PARVB: variants seen among roughly 807,000 people sequenced by gnomAD.
The protein encoded by PARVB is parvin beta.
A neutral mutation model predicts 47.0 loss-of-function variants in PARVB; 46 were observed. That is an observed-to-expected ratio of 0.98 (90% CI 0.77 to 1.25). The LOEUF (loss-of-function observed/expected upper bound fraction) is 1.25, where lower values mean the gene tolerates loss of function less well. Ranked by LOEUF, PARVB falls within the 50% of genes most tolerant of loss-of-function variation. PARVB has a pLI of 0.00. For missense variants in PARVB, 473 were observed against 471.6 expected (o/e 1.00, Z -0.03); for synonymous variants, 196 against 196.3 (o/e 1.00, Z 0.01).
At position 44,171,715 on chromosome 22, in the gene PARVB, C is replaced by T. The variant is rs1369119946; in HGVS notation, c.*3037C>T. 2.0e-5 allele frequency: 3 copies of T among 151,282 alleles called. No individual in the cohort carries two copies. Among genetic ancestry groups the T allele is most frequent in the South Asian group, 2.1e-4 (1 of 4,796 alleles). The allele number at this position is 151,282 out of a possible 1,614,324, so 9.4% of individuals were successfully genotyped here. A position where few individuals can be genotyped will look rare whatever the true frequency, so the allele number is the denominator to read the frequency against. On this transcript the variant is annotated 3_prime_UTR_variant, in exon 13 of 13. Coordinates refer to ENST00000338758, the MANE Select transcript of PARVB (RefSeq NM_013327.5). ...CGTCACACTCTTGTGGGTTTCAAGT[C>T]GAACAGTAAAAGGAATCATAAGATC...
intron 1 of PARVB, among the ~76,000 whole-genome samples, chr22:44,082,284 C>T (rs1018136611): frequency 2.0e-5 from 3 of 152,038 alleles, no homozygotes; most frequent in Non-Finnish European, 4.4e-5. Flanking sequence ...TTTGGGAGGC[C>T]GAGGCAGGTG....
chr22:44,060,604 T>G (rs1012978926), intron 1 of PARVB, among the ~76,000 whole-genome samples: 39 of 151,908 alleles, frequency 2.6e-4, no homozygotes, highest in African/African-American at 7.7e-4. Flanking sequence ...CCAACTACAT[T>G]CGGCATTAAT....
intron 3 of PARVB, chr22:44,108,638 C>A: frequency 6.6e-6 from 1 of 151,840 alleles, no homozygotes; most frequent in East Asian, 1.9e-4. Context: ...AAATTACAGT[C>A]AAAGGGGGTT....
intron 1 of PARVB, 46 bp downstream of exon 1, chr22:44,024,497 G>A: frequency 1.9e-6 from 2 of 1,039,614 alleles, no homozygotes; most frequent in Non-Finnish European, 2.4e-6. Flanking sequence ...CCTGCCCGGC[G>A]GTGCCCGCCC....
At chr22:44,066,885 T>G (rs539074283) in intron 1 of PARVB, among the ~76,000 whole-genome samples, 1 of 150,984 alleles carries the variant, frequency 6.6e-6, no homozygotes, top group Non-Finnish European at 1.5e-5. Flanking sequence ...TTTCTTTTTC[T>G]TCTTCTTAGG....
intron 1 of PARVB, among the ~76,000 whole-genome samples, chr22:44,072,337 T>A (rs130315): frequency 6.6e-6 from 1 of 151,990 alleles, no homozygotes; most frequent in Non-Finnish European, 1.5e-5. Context: ...TCACCACCCT[T>A]TTGGGTTGGT....
intron 4 of PARVB, 78 bp from the exon 5 acceptor site, chr22:44,131,409 T>A (rs1252634357): frequency 1.3e-6 from 2 of 1,519,138 alleles, no homozygotes; most frequent in East Asian, 4.5e-5. Context: ...CTCAAACTGC[T>A]GGGATTACAG....
chr22:44,063,953 G>C (rs1038302287), intron 1 of PARVB, among the ~76,000 whole-genome samples: 1 of 152,220 alleles, frequency 6.6e-6, no homozygotes, highest in African/African-American at 2.4e-5. Context: ...GGTGTTCCGT[G>C]GATGGGGTGC....
intron 1 of PARVB, among the ~76,000 whole-genome samples, chr22:44,059,086 C>T (rs1008063311): frequency 1.0e-4 from 15 of 144,882 alleles, no homozygotes; most frequent in African/African-American, 3.8e-4. Context: ...TGCTGTGTTG[C>T]CCAGGCTGGA....
intron 2 of PARVB, among the ~76,000 whole-genome samples, chr22:44,095,835 T>C (rs936398958): frequency 6.6e-6 from 1 of 152,198 alleles, no homozygotes; most frequent in Non-Finnish European, 1.5e-5. Flanking sequence ...GAAACGCCGA[T>C]GCAAGTTCAG....
At chr22:44,053,204 C>T (rs937756066) in intron 1 of PARVB, among the ~76,000 whole-genome samples, 3 of 151,778 alleles carry the variant, frequency 2.0e-5, no homozygotes, top group African/African-American at 7.3e-5. Context: ...CTTCCTCAGC[C>T]TCCCGAGTAG....
At position 44,018,403 on chromosome 22, in the gene PARVB, A is replaced by C. The variant is rs1418403798; in HGVS notation, c.211+18730A>C. Among the ~76,000 whole-genome samples the C allele has an allele frequency of 2.0e-5, 3 of 151,854 alleles. No individual in the cohort carries two copies. In the East Asian group the frequency reaches 5.8e-4, roughly 29 times the overall value. ...GGCGACAAGAATGAAACTCCATCTC[A>C]AACAAACAAACAAAAAACTAACCAC... On this transcript the variant is annotated intron_variant, in intron 2 of 13. Coordinates refer to the PARVB transcript ENST00000406477.
At chr22:44,128,171 T>G (rs1229819454) in intron 4 of PARVB, among the ~76,000 whole-genome samples, 1 of 152,206 alleles carries the variant, frequency 6.6e-6, no homozygotes, top group Non-Finnish European at 1.5e-5. Context: ...TCCCCTGTGT[T>G]TGCAGTGCAG....
intron 2 of PARVB, among the ~76,000 whole-genome samples, chr22:44,098,718 C>A (rs1050410648): frequency 2.6e-5 from 4 of 152,192 alleles, no homozygotes; most frequent in African/African-American, 9.7e-5. Flanking sequence ...AAATTAGTTT[C>A]TCCATGTTGT....
chr22:44,069,146 C>CTGCACCCTCCTCGCCAG (rs1442948814), intron 1 of PARVB: 1 of 1,612,638 alleles, frequency 6.2e-7, no homozygotes. Context: ...CTGCCGCCAG[C>CTGCACCCTCCTCGCCAG]TGCACCCTCC....
intron 3 of PARVB, chr22:44,111,919 T>C (rs2052707656): frequency 6.6e-6 from 1 of 151,742 alleles, no homozygotes; most frequent in Admixed American, 6.6e-5. Flanking sequence ...GCTGAGTGTT[T>C]GGTGGAGGGA....
At chr22:44,130,967 G>T (rs115430037) in intron 4 of PARVB, among the ~76,000 whole-genome samples, 1 of 148,966 alleles carries the variant, frequency 6.7e-6, no homozygotes, top group Non-Finnish European at 1.5e-5. Flanking sequence ...AACCTGCCCC[G>T]CTTCGGGGAC....
chr22:44,006,306 T>C (rs1033626104), intron 2 of PARVB, among the ~76,000 whole-genome samples: 8 of 152,218 alleles, frequency 5.3e-5, no homozygotes, highest in African/African-American at 1.9e-4. Context: ...CCAAGTGTAG[T>C]GCAGGAATCT....
intron 2 of PARVB, among the ~76,000 whole-genome samples, chr22:44,005,390 T>C (rs1418543600): frequency 6.6e-6 from 1 of 151,044 alleles, no homozygotes; most frequent in Admixed American, 6.6e-5. Flanking sequence ...TGAGATTACA[T>C]GTATGAGGTA....
Sources: gnomAD v4.1 joint callset for allele counts (sites outside exome capture counted in the v4.1 genomes callset) on GRCh38, gnomAD v4.1.1 for gene constraint, MANE v1.5 for transcripts, NCBI Gene and HGNC (gene_info 2026-07-23, HGNC 2026-07-21) for gene names.